PBX1: variants seen among roughly 807,000 people sequenced by gnomAD.
PBX1 encodes the protein PBX homeobox 1, also known as pre-B-cell leukemia transcription factor 1.
A neutral mutation model predicts 53.4 loss-of-function variants in PBX1; 6 were observed. That is an observed-to-expected ratio of 0.11 (90% confidence interval 0.06 to 0.22). The LOEUF is 0.22. Among genes scored for constraint, PBX1 ranks in the 10% least tolerant of loss-of-function variants. PBX1 has a pLI of 1.00. For synonymous variants in PBX1, 204 were observed against 212.3 expected (o/e 0.96, Z 0.34); for missense variants, 251 against 551.4 (o/e 0.46, Z 5.46).
chr1:164,778,957 C>G (rs955183222), intron 2 of PBX1, among the ~76,000 whole-genome samples: 2 of 152,074 alleles, frequency 1.3e-5, no homozygotes, highest in African/African-American at 4.8e-5. Context: ...CACTTTGACT[C>G]CCAGTACCTC....
chr1:164,861,112 A>G (rs1234738521), intron 2 of PBX1, among the ~76,000 whole-genome samples: 6 of 152,062 alleles, frequency 3.9e-5, no homozygotes, highest in Admixed American at 2.6e-4. Flanking sequence ...GAAGGAAAAG[A>G]GGGAGAGATT....
chr1:164,683,068 C>G (rs1469073011), intron 2 of PBX1: 1 of 152,158 alleles, frequency 6.6e-6, no homozygotes, highest in Non-Finnish European at 1.5e-5. Context: ...ATTCTACAAC[C>G]ATCATCAAAT....
At chr1:164,729,356 GCTT>G (rs1349256664) in intron 2 of PBX1, among the ~76,000 whole-genome samples, 1 of 151,984 alleles carries the variant, frequency 6.6e-6, no homozygotes, top group Non-Finnish European at 1.5e-5. Context: ...TTATCCTTGT[GCTT>G]CTTTTTTTCC....
chr1:164,631,906 T>C lies in PBX1; in HGVS notation c.265+68595T>C, dbSNP rs1432070607. 2.6e-5 allele frequency among the ~76,000 whole-genome samples: 4 copies of C among 152,224 alleles called. 1 individual carries two copies. The South Asian group carries it at 8.3e-4, about 32-fold the overall frequency. On this transcript the variant is annotated intron_variant, in intron 2 of 8. Transcript: ENST00000420696. ...GCGGAGTCAGGAACTGGGCAAGCAGTGTTGTGACTTGCTTGTTCCACAGGC... is the reference window on the plus strand; with the variant it reads ...GCGGAGTCAGGAACTGGGCAAGCAGCGTTGTGACTTGCTTGTTCCACAGGC...
intron 2 of PBX1, among the ~76,000 whole-genome samples, chr1:164,859,884 A>G (rs181758909): frequency 8.5e-5 from 13 of 152,348 alleles, no homozygotes; most frequent in African/African-American, 3.1e-4. Flanking sequence ...TTATCAATGT[A>G]CAAGCTTGGA....
At chr1:164,591,441 C>T (rs192950456) in intron 2 of PBX1, among the ~76,000 whole-genome samples, 1 of 152,204 alleles carries the variant, frequency 6.6e-6, no homozygotes, top group Non-Finnish European at 1.5e-5. Context: ...TGAAAACTTA[C>T]CTTTTCACCC....
chr1:164,880,053 G>T (rs1159881628), intron 2 of PBX1, among the ~76,000 whole-genome samples: 1 of 152,128 alleles, frequency 6.6e-6, no homozygotes, highest in African/African-American at 2.4e-5. Context: ...TTTCCCTTCT[G>T]TCAAGGATGG....
intron 2 of PBX1, among the ~76,000 whole-genome samples, chr1:164,585,263 G>GTCA (rs1654881019): frequency 6.6e-6 from 1 of 152,150 alleles, no homozygotes; most frequent in African/African-American, 2.4e-5. Flanking sequence ...TCCTCCCTTA[G>GTCA]TGAAAATTCC....
At chr1:164,599,313 T>G (rs1370000616) in intron 2 of PBX1, among the ~76,000 whole-genome samples, 5 of 152,134 alleles carry the variant, frequency 3.3e-5, no homozygotes, top group African/African-American at 1.2e-4. Flanking sequence ...TCTTTCTTAA[T>G]AGATTCTGAG....
At chr1:164,793,863 T>TTTTTAC (rs142630209) in intron 3 of PBX1, among the ~76,000 whole-genome samples, 1 of 129,812 alleles carries the variant, frequency 7.7e-6, no homozygotes, top group African/African-American at 3.1e-5. Context: ...TTTCTTTTTT[T>TTTTTAC]TTTCCTTTCT....
chr1:164,768,866 C>T (rs917241183), intron 2 of PBX1, among the ~76,000 whole-genome samples: 2 of 152,074 alleles, frequency 1.3e-5, no homozygotes, highest in Admixed American at 6.5e-5. Context: ...CCAGCCTGGG[C>T]GATATGGTGA....
At chr1:164,776,390 T>G (rs571316291) in intron 2 of PBX1, among the ~76,000 whole-genome samples, 4 of 152,086 alleles carry the variant, frequency 2.6e-5, no homozygotes, top group African/African-American at 7.2e-5. Flanking sequence ...GGCATGTGAT[T>G]TAGAAGGAAG....
At chr1:164,751,259 G>A (rs1571336684) in intron 2 of PBX1, among the ~76,000 whole-genome samples, 1 of 149,380 alleles carries the variant, frequency 6.7e-6, no homozygotes, top group Non-Finnish European at 1.5e-5. Flanking sequence ...AGGTGGCAGT[G>A]AGCTGAGATC....
At chr1:164,624,307 T>C (rs1390716658) in intron 2 of PBX1, among the ~76,000 whole-genome samples, 1 of 152,230 alleles carries the variant, frequency 6.6e-6, no homozygotes, top group Non-Finnish European at 1.5e-5. Context: ...TATTGTGTTA[T>C]AAACCAACAA....
intron 2 of PBX1, among the ~76,000 whole-genome samples, chr1:164,708,419 AG>A (rs1663571378): frequency 6.6e-6 from 1 of 151,470 alleles, no homozygotes; most frequent in Non-Finnish European, 1.5e-5. Flanking sequence ...ATTTAGTTTC[AG>A]GGGGGTACAT....
intron 8 of PBX1, among the ~76,000 whole-genome samples, chr1:164,825,494 G>A (rs997264281): frequency 1.3e-5 from 2 of 152,148 alleles, no homozygotes; most frequent in African/African-American, 2.4e-5. Context: ...TCATTTTAAT[G>A]ACCAATAGCC....
chr1:164,646,116 G>C (rs916310304), intron 2 of PBX1, among the ~76,000 whole-genome samples: 1 of 152,120 alleles, frequency 6.6e-6, no homozygotes, highest in African/African-American at 2.4e-5. Context: ...TTTTCTCTCT[G>C]TGCCTCCTTT....
chr1:164,710,911 C>T (rs542477612), intron 2 of PBX1, among the ~76,000 whole-genome samples: 1 of 152,306 alleles, frequency 6.6e-6, no homozygotes, highest in African/African-American at 2.4e-5. Context: ...GCTTACCTTC[C>T]TCCAAGTCCC....
chr1:164,580,443 T>G (rs1019962061), intron 2 of PBX1, among the ~76,000 whole-genome samples: 6 of 151,672 alleles, frequency 4.0e-5, no homozygotes, highest in Admixed American at 2.0e-4. Flanking sequence ...CATGCCCGGC[T>G]AATTTTTGTA....
Sources: allele counts gnomAD v4.1 joint callset (sites outside exome capture counted in the v4.1 genomes callset), GRCh38; gene constraint gnomAD v4.1.1; transcripts MANE v1.5; gene names NCBI Gene and HGNC (gene_info 2026-07-23, HGNC 2026-07-21).